ALDH7A1: variants seen among roughly 807,000 people sequenced by gnomAD.
ALDH7A1 encodes the protein aldehyde dehydrogenase 7 family member A1.
ALDH7A1 carries 63 observed loss-of-function variants against 79.9 expected under a neutral mutation model. The observed-to-expected ratio is 0.79, with a 90% confidence interval of 0.64 to 0.97. The LOEUF is 0.97. Among genes scored for constraint, ALDH7A1 ranks in the 50% least tolerant of loss-of-function variants. ALDH7A1 has a pLI of 0.00. For synonymous variants in ALDH7A1, 240 were observed against 231.2 expected (o/e 1.04, Z -0.34); for missense variants, 627 against 665.2 (o/e 0.94, Z 0.63).
chr5:126,592,225 C>T (rs17165056), intron 3 of ALDH7A1: 24,279 of 180,608 alleles, frequency 0.13, 2,149 homozygotes, highest in African/African-American at 0.26. Flanking sequence ...CCACCAGGTG[C>T]GATCTGCTGT....
At chr5:126,547,979 G>T (rs906603443) in intron 16 of ALDH7A1, among the ~76,000 whole-genome samples, 1 of 151,692 alleles carries the variant, frequency 6.6e-6, no homozygotes, top group African/African-American at 2.4e-5. Context: ...TTGAACTGGG[G>T]AGGTGGATGT....
intron 11 of ALDH7A1, among the ~76,000 whole-genome samples, chr5:126,558,825 CTAAAATGTT>C (rs1322883048): frequency 1.3e-5 from 2 of 152,192 alleles, no homozygotes. Flanking sequence ...CATGCCCAGT[CTAAAATGTT>C]TAAAATGTTT....
intron 3 of ALDH7A1, among the ~76,000 whole-genome samples, chr5:126,589,349 G>T (rs924554804): frequency 4.6e-5 from 7 of 152,080 alleles, no homozygotes; most frequent in Non-Finnish European, 8.8e-5. Flanking sequence ...TAGAAACGGG[G>T]TTTCTCCATG....
rs2306618 is a variant in ALDH7A1 at position 126,552,104 on chromosome 5, T to C, written c.1234A>G (p.Thr412Ala). Residue 412 changes from threonine to alanine, a missense_variant, in exon 14 of 18, where the codon ACA becomes GCA. Physicochemically the swap from Thr to Ala is moderately conservative, Grantham distance 58. Coordinates refer to ENST00000409134, the MANE Select transcript of ALDH7A1 (RefSeq NM_001182.5). ...TCGTGGCCAAGACCTGTCACAATTG[T>C]CGGTTCTACATAATTTCCAGGGCGA... ...MDRPGNYVEP[T>A]IVTGLGHDAS... 2.4e-3 allele frequency: 3,940 copies of C among 1,614,082 alleles called. 112 individuals carry two copies. In the East Asian group the frequency reaches 0.066, roughly 27 times the overall value.
Position 126,582,957 on chromosome 5 carries a change from C to T in ALDH7A1, c.411G>A (p.Gly137=), listed in dbSNP as rs1212874223. 6.2e-7 allele frequency: 1 copy of T among 1,613,868 alleles called. No homozygotes were observed. The highest frequency in any genetic ancestry group is 8.5e-7 in the Non-Finnish European group (1 of 1,179,968). The change falls in exon 5 of 18, where the codon GGG becomes GGA. Residue 137 remains glycine, a synonymous_variant. Coordinates refer to ENST00000409134, the MANE Select transcript of ALDH7A1 (RefSeq NM_001182.5). Reference sequence around the variant, plus strand: ...CACCCACACCTTCCACTAAGATTTTCCCCATCTCCAAAGACACCTAGAAAT... The same window carrying T: ...CACCCACACCTTCCACTAAGATTTTTCCCATCTCCAAAGACACCTAGAAAT... ...VLGSLVSLEM[G]KILVEGVGEV...
intron 3 of ALDH7A1, among the ~76,000 whole-genome samples, chr5:126,585,221 C>T (rs952603059): frequency 6.6e-6 from 1 of 152,146 alleles, no homozygotes; most frequent in African/African-American, 2.4e-5. Flanking sequence ...TCACTTGAAC[C>T]CCGGAGGGGG....
At position 126,544,716 on chromosome 5, in the gene ALDH7A1, C is replaced by A. The variant is rs1191203540; in HGVS notation, c.*249G>T. 10 of 506,056 alleles carry A rather than the reference C, an allele frequency of 2.0e-5. 1 individual carries two copies. In the South Asian group the frequency reaches 2.2e-4, roughly 11 times the overall value. The allele number at this position is 506,056 out of a possible 1,614,324, so 31.3% of individuals were successfully genotyped here. On this transcript the variant is annotated 3_prime_UTR_variant, in exon 18 of 18. Transcript: ENST00000409134. The stretch of plus-strand genomic sequence containing the variant: ...TCATTAACTTTTAAAAAGCCATGTA[C>A]AACTAGTTGACATAATAAAAATCCA...
intron 11 of ALDH7A1, 71 bp downstream of exon 11, chr5:126,559,165 CCTCT>C (rs1750305508): frequency 8.0e-7 from 1 of 1,256,276 alleles, no homozygotes; most frequent in African/African-American, 1.5e-5. Context: ...ATTGCTGACA[CCTCT>C]CTAACAGCAG....
At chr5:126,590,885 A>T (rs1751530492) in intron 3 of ALDH7A1, among the ~76,000 whole-genome samples, 1 of 103,460 alleles carries the variant, frequency 9.7e-6, no homozygotes, top group South Asian at 2.6e-4. Context: ...ACCCTGTCTT[A>T]AAAAAAAAAA....
rs1750185889 is a variant in ALDH7A1, at chr5:126,556,075, G to T, written c.1009-60C>A. 7 of 1,173,668 alleles carry T rather than the reference G, an allele frequency of 6.0e-6. No homozygotes were observed. The Admixed American group carries it at 1.2e-4, about 20-fold the overall frequency. 72.7% of individuals were successfully genotyped at this position (1,173,668 alleles called of 1,614,324 possible). On this transcript the variant is annotated intron_variant, in intron 11 of 17. Coordinates refer to ENST00000409134, the MANE Select transcript of ALDH7A1 (RefSeq NM_001182.5). ...ATAAATGCACACATTTTTAAACAAT[G>T]AATAATTTCCTTGATAGTTACTGAA...
chr5:126,567,524 A>C lies in ALDH7A1; in HGVS notation c.871+735T>G, dbSNP rs570924064. On this transcript the variant is annotated intron_variant, in intron 9 of 17. Transcript: ENST00000409134. ...AGTCTCACTCTGTCACCCAGGCTGG[A>C]GTGCAGTGACGCGATCTCGGCTCAC... Among the ~76,000 whole-genome samples, 9 of 151,762 alleles carry C rather than the reference A, an allele frequency of 5.9e-5. No individual in the cohort carries two copies. The South Asian group carries it at 1.9e-3, about 32-fold the overall frequency.
At chr5:126,548,111 G>A (rs1488292680) in intron 16 of ALDH7A1, among the ~76,000 whole-genome samples, 1 of 151,914 alleles carries the variant, frequency 6.6e-6, no homozygotes. Context: ...AGAAAAGTAT[G>A]AGCAAAACTA....
rs1383363922 is a variant in ALDH7A1, at chr5:126,579,782, AC to A, written c.518-2572del. On this transcript the variant is annotated intron_variant, in intron 5 of 17. Coordinates refer to ENST00000409134, the MANE Select transcript of ALDH7A1 (RefSeq NM_001182.5). ...AGACCAGCCTAGGCCACATAGTGCA[AC>A]CTCGTCTCTACAAGAAAAATTTTTA... Among the ~76,000 whole-genome samples the A allele has an allele frequency of 3.3e-5, 5 of 152,062 alleles. No homozygotes were observed. In the East Asian group the frequency reaches 9.7e-4, roughly 29 times the overall value.
chr5:126,574,608 T>A (rs1033409905), intron 7 of ALDH7A1, among the ~76,000 whole-genome samples: 12 of 151,792 alleles, frequency 7.9e-5, no homozygotes, highest in African/African-American at 2.9e-4. Flanking sequence ...GGCAGGAGAA[T>A]GGCGTGAACC....
chr5:126,558,361 T>C (rs1415995689), intron 11 of ALDH7A1, among the ~76,000 whole-genome samples: 2 of 152,112 alleles, frequency 1.3e-5, no homozygotes. Flanking sequence ...TCTCCTTATA[T>C]ACACTTAATA....
rs779537981 is a variant in ALDH7A1, at chr5:126,561,138, A to C, written c.872-14T>G. 1.1e-5 allele frequency: 17 copies of C among 1,592,644 alleles called. No homozygotes were observed. In the African/African-American group the frequency reaches 2.3e-4, roughly 22 times the overall value. ...ACAGACTTCTCCCTTAAAAGAAAAAAATTATATATAAAAATTAATGCCTAC... is the reference window on the plus strand; with the variant it reads ...ACAGACTTCTCCCTTAAAAGAAAAACATTATATATAAAAATTAATGCCTAC... On this transcript the variant is annotated splice_polypyrimidine_tract_variant and intron_variant, in intron 9 of 17. Coordinates refer to ENST00000409134, the MANE Select transcript of ALDH7A1 (RefSeq NM_001182.5).
intron 17 of ALDH7A1, 72 bp downstream of exon 17, chr5:126,546,252 C>G (rs1156405675): frequency 7.5e-7 from 1 of 1,330,346 alleles, no homozygotes; most frequent in Admixed American, 1.7e-5. Context: ...ACAGCACAGA[C>G]AGTAGGAAAG....
At chr5:126,566,768 C>T (rs956600750) in intron 9 of ALDH7A1, among the ~76,000 whole-genome samples, 4 of 152,104 alleles carry the variant, frequency 2.6e-5, no homozygotes, top group African/African-American at 9.7e-5. Flanking sequence ...CAGATTTAAG[C>T]CTTCTATTCC....
rs140294186 is a variant in ALDH7A1 at position 126,550,459 on chromosome 5, T to C, written c.1318-166A>G. ...TTTCTCTTATAATTCAGATCATTGA[T>C]AATAAGTAAAAAATTTTGGGATTTT... On this transcript the variant is annotated intron_variant, in intron 14 of 17. Transcript: ENST00000409134. Among the ~76,000 whole-genome samples the C allele has an allele frequency of 3.2e-3, 470 of 146,210 alleles. 10 individuals are homozygous for C. Among genetic ancestry groups the C allele is most frequent in the African/African-American group, 0.011 (443 of 41,066 alleles).
Sources: allele counts gnomAD v4.1 joint callset (sites outside exome capture counted in the v4.1 genomes callset), GRCh38; gene constraint gnomAD v4.1.1; transcripts MANE v1.5; gene names NCBI Gene and HGNC (gene_info 2026-07-23, HGNC 2026-07-21).